CUL3: variants seen among roughly 807,000 people sequenced by gnomAD.
The protein encoded by CUL3 is cullin-3.
A neutral mutation model predicts 89.1 loss-of-function variants in CUL3; 19 were observed. That is an observed-to-expected ratio of 0.21 (90% confidence interval 0.15 to 0.31). The LOEUF is 0.31. Among genes scored for constraint, CUL3 ranks in the 10% least tolerant of loss-of-function variants. The pLI is 1.00. For synonymous variants in CUL3, 351 were observed against 308.4 expected (o/e 1.14, Z -1.45); for missense variants, 469 against 942.3 (o/e 0.50, Z 6.58).
At chr2:224,480,494 G>A (rs192559808) in intron 14 of CUL3, among the ~76,000 whole-genome samples, 190 of 152,162 alleles carry the variant, frequency 1.2e-3, no homozygotes, top group Non-Finnish European at 2.2e-3. Context: ...TTTCTGTTTT[G>A]AACATACCTA....
intron 13 of CUL3, among the ~76,000 whole-genome samples, chr2:224,490,693 C>T (rs1305678544): frequency 7.3e-6 from 1 of 136,272 alleles, no homozygotes; most frequent in African/African-American, 2.8e-5. Context: ...TCTGCACATA[C>T]ATCCCAGAGC....
At chr2:224,567,191 A>G (rs1163294863) in intron 1 of CUL3, among the ~76,000 whole-genome samples, 1 of 152,148 alleles carries the variant, frequency 6.6e-6, no homozygotes, top group Non-Finnish European at 1.5e-5. Flanking sequence ...TCACACGAAG[A>G]TGATTAGTCA....
At chr2:224,490,396 T>TA (rs1189938902) in intron 13 of CUL3, among the ~76,000 whole-genome samples, 13 of 152,070 alleles carry the variant, frequency 8.5e-5, no homozygotes, top group African/African-American at 2.4e-4. Context: ...CACGTGACCT[T>TA]ATCAATCATT....
rs2106206152 is a variant in CUL3 at position 224,506,939 on chromosome 2, A to T, written c.948T>A (p.Cys316Ter). ...VPNGLKTMCE[C>*]MSSYLREQGK... ...CTTGCTCCCTCAAATAGGAACTCAT[A>T]CACTCACACATTGTTTTCAAACCAT... is the stretch of plus-strand genomic sequence containing the variant. The change falls in exon 7 of 16, where the codon TGT becomes TGA. Residue 316 changes from cysteine (C) to a stop codon, truncating the protein, a stop_gained. Coordinates refer to ENST00000264414, the MANE Select transcript of CUL3 (RefSeq NM_003590.5). LOFTEE classifies it high-confidence loss of function. 6.2e-7 allele frequency: 1 copy of T among 1,613,700 alleles called. No individual in the cohort carries two copies. The highest frequency in any genetic ancestry group is 8.5e-7 in the Non-Finnish European group (1 of 1,179,724).
chr2:224,474,392 G>GAT lies in CUL3; in HGVS notation c.2176-18_2176-17dup. On this transcript the variant is annotated splice_polypyrimidine_tract_variant and intron_variant, in intron 15 of 15. Coordinates refer to ENST00000264414, the MANE Select transcript of CUL3 (RefSeq NM_003590.5). ...GCTGAGTTACCTAAAAAAGAAAGTAGATAGTATTTTTATATAAACACATAA... is the reference window on the plus strand; with the variant it reads ...GCTGAGTTACCTAAAAAAGAAAGTAGATATAGTATTTTTATATAAACACATAA... 1 of 1,608,900 alleles carries GAT rather than the reference G, an allele frequency of 6.2e-7. No individual in the cohort carries two copies.
At chr2:224,532,598 G>A (rs905651859) in intron 3 of CUL3, among the ~76,000 whole-genome samples, 1 of 152,204 alleles carries the variant, frequency 6.6e-6, no homozygotes, top group Non-Finnish European at 1.5e-5. Flanking sequence ...TATTCAAAGT[G>A]TATGAAAGAT....
intron 8 of CUL3, among the ~76,000 whole-genome samples, chr2:224,505,208 G>A (rs951422409): frequency 6.6e-6 from 1 of 151,250 alleles, no homozygotes; most frequent in Non-Finnish European, 1.5e-5. Context: ...CGTCATCTTG[G>A]CTCACTGCAA....
intron 13 of CUL3, among the ~76,000 whole-genome samples, chr2:224,483,946 T>C (rs903967959): frequency 1.6e-4 from 25 of 152,128 alleles, no homozygotes; most frequent in African/African-American, 5.6e-4. Context: ...TCCCAGCACT[T>C]TGGGAGACCA....
intron 2 of CUL3, among the ~76,000 whole-genome samples, chr2:224,556,684 T>A (rs1348148457): frequency 1.3e-5 from 2 of 152,162 alleles, no homozygotes; most frequent in East Asian, 1.9e-4. Context: ...ATTATATTGT[T>A]AAACTGCCTG....
chr2:224,557,609 A>G (rs1694754892), intron 2 of CUL3, 50 bp downstream of exon 2: 5 of 1,322,358 alleles, frequency 3.8e-6, no homozygotes, highest in East Asian at 2.3e-5. Flanking sequence ...GGTATAAAGG[A>G]TTTTCTACAT....
At chr2:224,575,538 A>G (rs1237142567) in intron 1 of CUL3, among the ~76,000 whole-genome samples, 2 of 152,230 alleles carry the variant, frequency 1.3e-5, no homozygotes, top group Non-Finnish European at 2.9e-5. Flanking sequence ...ATCAAAGGGC[A>G]CATTAACGTG....
intron 3 of CUL3, among the ~76,000 whole-genome samples, chr2:224,535,083 G>A (rs970603133): frequency 3.3e-4 from 50 of 151,796 alleles, no homozygotes; most frequent in African/African-American, 1.2e-3. Context: ...CATAGGCTTC[G>A]GTTGGCCCTT....
At chr2:224,541,890 GAAC>G (rs1457626540) in intron 2 of CUL3, among the ~76,000 whole-genome samples, 2 of 152,040 alleles carry the variant, frequency 1.3e-5, no homozygotes, top group African/African-American at 4.8e-5. Context: ...TGGTTGTCAG[GAAC>G]TAGGGGTTAA....
intron 14 of CUL3, among the ~76,000 whole-genome samples, chr2:224,480,550 CTT>C (rs1460712471): frequency 6.6e-6 from 1 of 152,148 alleles, no homozygotes; most frequent in African/African-American, 2.4e-5. Flanking sequence ...AGTGTGCACA[CTT>C]AACACGAAAA....
chr2:224,513,009 A>C (rs538487848), intron 5 of CUL3, among the ~76,000 whole-genome samples: 6 of 152,310 alleles, frequency 3.9e-5, no homozygotes, highest in Admixed American at 2.0e-4. Context: ...GCGAGGATGA[A>C]GACCCTGATG....
chr2:224,508,549 T>C (rs1692689697), intron 6 of CUL3, among the ~76,000 whole-genome samples: 1 of 152,234 alleles, frequency 6.6e-6, no homozygotes, highest in Non-Finnish European at 1.5e-5. Context: ...TAGTTGTACA[T>C]AAATTACTAC....
At chr2:224,477,679 G>A (rs1008348505) in intron 15 of CUL3, among the ~76,000 whole-genome samples, 2 of 152,080 alleles carry the variant, frequency 1.3e-5, no homozygotes, top group African/African-American at 4.8e-5. Context: ...AACCTAAACG[G>A]CGTCTTCAAC....
intron 6 of CUL3, among the ~76,000 whole-genome samples, chr2:224,507,293 TAAAC>T (rs1179328311): frequency 6.6e-6 from 1 of 152,082 alleles, no homozygotes; most frequent in Non-Finnish European, 1.5e-5. Flanking sequence ...AAAACCATAA[TAAAC>T]AAGTAATGTC....
chr2:224,531,088 C>CTT (rs36035608), intron 3 of CUL3, among the ~76,000 whole-genome samples: 3,190 of 136,992 alleles, frequency 0.023, 137 homozygotes, highest in African/African-American at 0.079. Context: ...CTAAAATAGC[C>CTT]TTTTTTTTTT....
Sources: allele counts gnomAD v4.1 joint callset (sites outside exome capture counted in the v4.1 genomes callset), GRCh38; gene constraint gnomAD v4.1.1; transcripts MANE v1.5; gene names NCBI Gene and HGNC (gene_info 2026-07-23, HGNC 2026-07-21).